RPS6KC1: variants seen among roughly 807,000 people sequenced by gnomAD.
The protein encoded by RPS6KC1 is inactive ribosomal protein S6 kinase delta-1.
Under a neutral mutation model 103.8 loss-of-function variants are expected in RPS6KC1, and 54 were observed. The ratio of observed to expected loss-of-function variants is 0.52; its 90% CI spans 0.42 to 0.65. The LOEUF (loss-of-function observed/expected upper bound fraction) is 0.65. Among genes scored for constraint, RPS6KC1 ranks in the 30% least tolerant of loss-of-function variants. RPS6KC1 has a pLI of 0.00. For synonymous variants in RPS6KC1, 439 were observed against 438.7 expected, an observed-to-expected ratio of 1.00 and a Z score of -0.01; for missense variants, 1,151 against 1,253.8, an observed-to-expected ratio of 0.92 and a Z score of 1.24.
the RPS6KC1 span, among the ~76,000 whole-genome samples, chr1:213,340,809 G>A: frequency 6.6e-6 from 1 of 151,656 alleles, no homozygotes; most frequent in Non-Finnish European, 1.5e-5. Context: ...CCTGTGAATG[G>A]ACAGAAGTGT....
the RPS6KC1 span, among the ~76,000 whole-genome samples, chr1:213,388,515 G>A: frequency 6.6e-6 from 1 of 152,218 alleles, no homozygotes; most frequent in African/African-American, 2.4e-5. Flanking sequence ...GCATAGCCAA[G>A]TATCGATTTT....
the RPS6KC1 span, among the ~76,000 whole-genome samples, chr1:213,360,144 CAG>C: frequency 6.6e-6 from 1 of 152,204 alleles, no homozygotes; most frequent in Non-Finnish European, 1.5e-5. Context: ...TAATATCCCG[CAG>C]AGTGTTTTCC....
the RPS6KC1 span, among the ~76,000 whole-genome samples, chr1:213,318,015 T>C: frequency 6.6e-6 from 1 of 152,242 alleles, no homozygotes; most frequent in African/African-American, 2.4e-5. Flanking sequence ...TGGGCTCCTC[T>C]TGCCCAGCTT....
the RPS6KC1 span, among the ~76,000 whole-genome samples, chr1:213,309,380 C>T: frequency 6.6e-6 from 1 of 152,092 alleles, no homozygotes; most frequent in Non-Finnish European, 1.5e-5. Context: ...GGATGTTTTC[C>T]AAGAGAAATA....
At chr1:213,840,501 A>T in the RPS6KC1 span, 3 of 152,170 alleles carry the variant, frequency 2.0e-5, no homozygotes, top group Non-Finnish European at 4.4e-5. Flanking sequence ...CATCCACATG[A>T]TCTCACCTAA....
the RPS6KC1 span, among the ~76,000 whole-genome samples, chr1:213,602,177 T>C: frequency 8.6e-6 from 1 of 115,686 alleles, no homozygotes; most frequent in African/African-American, 3.5e-5. Flanking sequence ...TTTCTTTCTT[T>C]CTTTCTTTCT....
chr1:213,811,962 C>T, the RPS6KC1 span, among the ~76,000 whole-genome samples: 3 of 152,152 alleles, frequency 2.0e-5, no homozygotes, highest in East Asian at 5.8e-4. Flanking sequence ...TGACTCCAAA[C>T]AACTTTGTAA....
chr1:213,622,321 G>A, the RPS6KC1 span, among the ~76,000 whole-genome samples: 2 of 151,066 alleles, frequency 1.3e-5, no homozygotes, highest in Non-Finnish European at 2.9e-5. Flanking sequence ...GCCAGTCGTG[G>A]AGGCCAGTGG....
At chr1:213,132,984 A>T (rs748102458) in intron 6 of RPS6KC1, among the ~76,000 whole-genome samples, 1 of 152,216 alleles carries the variant, frequency 6.6e-6, no homozygotes. Flanking sequence ...CTGAGACCAC[A>T]TGCAAAACAC....
the RPS6KC1 span, among the ~76,000 whole-genome samples, chr1:213,393,107 T>G: frequency 6.6e-6 from 1 of 152,252 alleles, no homozygotes; most frequent in African/African-American, 2.4e-5. Context: ...TTGTCATTCC[T>G]CCCTGCTGTA....
the RPS6KC1 span, among the ~76,000 whole-genome samples, chr1:213,378,134 C>T: frequency 6.6e-6 from 1 of 152,200 alleles, no homozygotes; most frequent in Admixed American, 6.5e-5. Flanking sequence ...CTGTTGTAAG[C>T]TGATAATTGC....
chr1:213,813,294 A>C, the RPS6KC1 span, among the ~76,000 whole-genome samples: 88 of 151,990 alleles, frequency 5.8e-4, no homozygotes, highest in South Asian at 0.018. Flanking sequence ...ATCTCAGCTG[A>C]AGATGTCTTA....
the RPS6KC1 span, among the ~76,000 whole-genome samples, chr1:213,451,261 A>G: frequency 1.3e-5 from 2 of 152,192 alleles, no homozygotes; most frequent in Non-Finnish European, 1.5e-5. Flanking sequence ...TCAATTTTAG[A>G]GTCATTTTAA....
intron 6 of RPS6KC1, among the ~76,000 whole-genome samples, chr1:213,140,260 T>C (rs144145797): frequency 3.5e-4 from 53 of 152,236 alleles, no homozygotes; most frequent in Non-Finnish European, 2.9e-5. Flanking sequence ...CTGTGGGGTT[T>C]TCTAGGTATA....
chr1:213,176,888 A>G (rs1424151647), intron 8 of RPS6KC1, among the ~76,000 whole-genome samples: 2 of 152,168 alleles, frequency 1.3e-5, no homozygotes, highest in African/African-American at 4.8e-5. Flanking sequence ...CTGAGCACCT[A>G]CTATATGTCG....
chr1:213,402,390 C>T, the RPS6KC1 span, among the ~76,000 whole-genome samples: 1 of 152,174 alleles, frequency 6.6e-6, no homozygotes, highest in African/African-American at 2.4e-5. Flanking sequence ...CACACACCCC[C>T]TCCTCAACCT....
the RPS6KC1 span, among the ~76,000 whole-genome samples, chr1:213,463,873 T>C: frequency 1.3e-5 from 2 of 152,188 alleles, no homozygotes; most frequent in Non-Finnish European, 1.5e-5. Context: ...ATTTTGGGCT[T>C]TGTAGGCCAT....
chr1:213,214,048 G>A (rs896931985), intron 8 of RPS6KC1, among the ~76,000 whole-genome samples: 12 of 152,230 alleles, frequency 7.9e-5, no homozygotes, highest in South Asian at 6.2e-4. Flanking sequence ...TGGGTGCAGC[G>A]CACCGAGCAT....
chr1:213,690,333 T>C, the RPS6KC1 span, among the ~76,000 whole-genome samples: 3 of 152,314 alleles, frequency 2.0e-5, no homozygotes, highest in South Asian at 6.2e-4. Context: ...ATTTTCCTGA[T>C]GGCAGGCAAA....
Sources: gnomAD v4.1 joint callset for allele counts (sites outside exome capture counted in the v4.1 genomes callset) on GRCh38, gnomAD v4.1.1 for gene constraint, MANE v1.5 for transcripts, NCBI Gene and HGNC (gene_info 2026-07-23, HGNC 2026-07-21) for gene names.